SLC22A24: variants seen among roughly 807,000 people sequenced by gnomAD.
SLC22A24 encodes steroid transmembrane transporter SLC22A24.
Under a neutral mutation model 49.8 loss-of-function variants are expected in SLC22A24, and 53 were observed. The ratio of observed to expected loss-of-function variants is 1.06; its 90% CI spans 0.85 to 1.34. The LOEUF (loss-of-function observed/expected upper bound fraction) is 1.34. SLC22A24 is among the 40% of genes most tolerant of loss of function. The probability of loss-of-function intolerance (pLI) is 0.00; values close to 1 mark genes in which losing one functional copy is unlikely to be tolerated. For missense variants in SLC22A24, 786 were observed against 675.9 expected (o/e 1.16, Z -1.81); for synonymous variants, 302 against 256.4 (o/e 1.18, Z -1.70).
chr11:63,113,079 C>CAT (rs1388675260), intron 4 of SLC22A24, among the ~76,000 whole-genome samples: 2 of 1,052 alleles, frequency 1.9e-3, no homozygotes, highest in African/African-American at 2.3e-3. Context: ...CATATATATA[C>CAT]ACATATATAT....
intron 2 of SLC22A24, among the ~76,000 whole-genome samples, chr11:63,131,690 C>T (rs1404864335): frequency 2.0e-5 from 3 of 152,182 alleles, no homozygotes; most frequent in African/African-American, 7.2e-5. Context: ...ACCCCACCTT[C>T]ATCTCTGGCT....
chr11:63,085,076 T>C (rs2086979814), intron 6 of SLC22A24, among the ~76,000 whole-genome samples: 1 of 152,132 alleles, frequency 6.6e-6, no homozygotes, highest in Admixed American at 6.5e-5. Context: ...GATGATTTTC[T>C]GTTTTCATGA....
intron 4 of SLC22A24, among the ~76,000 whole-genome samples, chr11:63,107,671 A>G (rs1017061992): frequency 6.6e-5 from 10 of 151,942 alleles, no homozygotes; most frequent in African/African-American, 2.4e-4. Flanking sequence ...TTGGATTCCT[A>G]GGTATTTTAT....
intron 6 of SLC22A24, among the ~76,000 whole-genome samples, chr11:63,094,724 A>G (rs1447045844): frequency 2.0e-5 from 3 of 152,248 alleles, no homozygotes; most frequent in Middle Eastern, 6.8e-3. Flanking sequence ...CATTTCTCTG[A>G]TGGCCAGTGA....
intron 2 of SLC22A24, among the ~76,000 whole-genome samples, chr11:63,125,981 C>T (rs1412947736): frequency 6.6e-6 from 1 of 152,144 alleles, no homozygotes; most frequent in African/African-American, 2.4e-5. Context: ...TGTTCATATC[C>T]TTCGCCCACT....
At chr11:63,108,161 C>G (rs1156558752) in intron 4 of SLC22A24, among the ~76,000 whole-genome samples, 1 of 152,124 alleles carries the variant, frequency 6.6e-6, no homozygotes, top group Non-Finnish European at 1.5e-5. Context: ...TGAATTTTGT[C>G]AAAGGCCTTT....
At chr11:63,110,132 A>G (rs1453840671) in intron 4 of SLC22A24, among the ~76,000 whole-genome samples, 1 of 151,186 alleles carries the variant, frequency 6.6e-6, no homozygotes, top group African/African-American at 2.4e-5. Flanking sequence ...TGTTTTTGTC[A>G]GGTTTGTCAA....
chr11:63,099,159 T>G (rs1355861003), intron 5 of SLC22A24, among the ~76,000 whole-genome samples: 1 of 152,018 alleles, frequency 6.6e-6, no homozygotes, highest in Non-Finnish European at 1.5e-5. Context: ...ACTGATGATT[T>G]CGCTGATGCA....
chr11:63,118,796 G>T, intron 4 of SLC22A24, 116 bp downstream of exon 4: 1 of 1,049,242 alleles, frequency 9.5e-7, no homozygotes, highest in Non-Finnish European at 1.4e-6. Flanking sequence ...TAGGTACTAT[G>T]GACATCATGG....
At chr11:63,094,161 TC>T (rs2087038178) in intron 6 of SLC22A24, among the ~76,000 whole-genome samples, 1 of 110,288 alleles carries the variant, frequency 9.1e-6, no homozygotes, top group Admixed American at 1.2e-4. Flanking sequence ...CCCACAACAG[TC>T]CCCAGAGTGT....
intron 7 of SLC22A24, 27 bp downstream of exon 7, chr11:63,083,216 C>G: frequency 6.5e-7 from 1 of 1,534,612 alleles, no homozygotes; most frequent in Non-Finnish European, 8.8e-7. Flanking sequence ...TAACTACTTT[C>G]TTTCCTGAAA....
In SLC22A24 at chr11:63,143,468, G is replaced by A. The variant is rs372581361; in HGVS notation, c.312C>T (p.Thr104=). ...PQWQLLHLNG[T]FPNTNEPDTE... ...TGTCTGGCTCATTTGTGTTGGGGAAGGTCCCGTTCAGGTGAAGGAGCTGCC... is the reference window on the plus strand; with the variant it reads ...TGTCTGGCTCATTTGTGTTGGGGAAAGTCCCGTTCAGGTGAAGGAGCTGCC... Residue 104 remains threonine (T), a synonymous_variant, in exon 1 of 10, where the codon ACC becomes ACT. Transcript: ENST00000612278. 2 of 1,595,766 alleles carry A rather than the reference G, an allele frequency of 1.3e-6. No homozygotes were observed. The highest frequency in any genetic ancestry group is 2.3e-5 in the East Asian group (1 of 43,524).
rs557524759 is a variant in SLC22A24 at position 63,119,175 on chromosome 11, A to G, written c.661+6T>C. ...AGATGATAAAATGCTCAAATTATTG[A>G]CTTACTGAGAATAAAAGTGTTTCCC... On this transcript the variant is annotated splice_donor_region_variant and intron_variant, in intron 3 of 9. Coordinates refer to ENST00000612278, the MANE Select transcript of SLC22A24 (RefSeq NM_001136506.2). The G allele has an allele frequency of 1.3e-6, 2 of 1,535,338 alleles. No homozygotes were observed. Among genetic ancestry groups the G allele is most frequent in the South Asian group, 2.5e-5 (2 of 80,710 alleles).
intron 1 of SLC22A24, among the ~76,000 whole-genome samples, 164 bp downstream of exon 1, chr11:63,143,214 A>G (rs1467267245): frequency 6.6e-6 from 1 of 152,254 alleles, no homozygotes; most frequent in Non-Finnish European, 1.5e-5. Flanking sequence ...GCTGTATCGT[A>G]GAGTATTAAT....
intron 2 of SLC22A24, among the ~76,000 whole-genome samples, 191 bp from the exon 3 acceptor site, chr11:63,119,526 G>T (rs374900035): frequency 6.6e-6 from 1 of 152,162 alleles, no homozygotes; most frequent in Admixed American, 6.5e-5. Context: ...TTGTCAGTAT[G>T]AGAGTGTTGT....
intron 6 of SLC22A24, among the ~76,000 whole-genome samples, chr11:63,090,250 A>G (rs1244399677): frequency 6.6e-6 from 1 of 152,054 alleles, no homozygotes; most frequent in Non-Finnish European, 1.5e-5. Context: ...AGACTCCCAC[A>G]CAATAATAGT....
At chr11:63,125,312 T>C (rs1565336993) in intron 2 of SLC22A24, among the ~76,000 whole-genome samples, 2 of 152,022 alleles carry the variant, frequency 1.3e-5, no homozygotes, top group Non-Finnish European at 2.9e-5. Context: ...CCCCTAGCCC[T>C]GCACTCCACG....
chr11:63,116,641 A>G (rs577940763), intron 4 of SLC22A24, among the ~76,000 whole-genome samples: 3 of 152,000 alleles, frequency 2.0e-5, no homozygotes, highest in African/African-American at 7.2e-5. Context: ...TGTTTCCAAC[A>G]TATTTGTTTT....
At chr11:63,121,305 TATTAGTA>T in intron 2 of SLC22A24, among the ~76,000 whole-genome samples, 1 of 152,144 alleles carries the variant, frequency 6.6e-6, no homozygotes, top group Admixed American at 6.6e-5. Context: ...AATTAAAGCC[TATTAGTA>T]AAAAAAATTC....
Sources: gnomAD v4.1 joint callset for allele counts (sites outside exome capture counted in the v4.1 genomes callset) on GRCh38, gnomAD v4.1.1 for gene constraint, MANE v1.5 for transcripts, NCBI Gene and HGNC (gene_info 2026-07-23, HGNC 2026-07-21) for gene names.